The following NEB variants were observed in gnomAD, a reference collection of about 807,000 sequenced individuals.
NEB encodes the protein nemaline myopathy type 2.
NEB carries 512 observed loss-of-function variants against 952.2 expected under a neutral mutation model. The ratio of observed to expected loss-of-function variants is 0.54; its 90% CI spans 0.50 to 0.58. The LOEUF is 0.58. Among genes scored for constraint, NEB ranks in the 20% least tolerant of loss-of-function variants. NEB has a pLI of 0.00. For synonymous variants in NEB, 2,900 were observed against 3,149.8 expected (o/e 0.92, Z 2.66); for missense variants, 8,428 against 9,231.1 (o/e 0.91, Z 3.56).
chr2:151,710,370 G>C (rs1184392147), intron 11 of NEB, 64 bp downstream of exon 11: 1 of 1,128,306 alleles, frequency 8.9e-7, no homozygotes, highest in African/African-American at 1.5e-5. Flanking sequence ...CAAGTAGCTA[G>C]AAGTCACTAA....
chr2:151,518,703 C>T (rs1434556496), intron 155 of NEB, among the ~76,000 whole-genome samples: 2 of 152,112 alleles, frequency 1.3e-5, no homozygotes, highest in South Asian at 2.1e-4. Flanking sequence ...TTTCTATGTC[C>T]TTAGAGAAAA....
chr2:151,684,812 T>C lies in NEB; in HGVS notation c.2801A>G (p.Asp934Gly). 1 of 1,612,760 alleles carries C rather than the reference T, an allele frequency of 6.2e-7. No individual in the cohort carries two copies. The highest frequency in any genetic ancestry group is 8.5e-7 in the Non-Finnish European group (1 of 1,179,274). ...YSYPPDSINV[D>G]LAKKAYALQS... ...CAGCGCATATGCCTTCTTGGCAAGG[T>C]CCACATTGATGCTATCAGGGGGGTA... Residue 934 changes from aspartate (D) to glycine (G), a missense_variant, in exon 28 of 182, where the codon GAC becomes GGC. By Grantham distance (94) the Asp-to-Gly change is moderately conservative. Around this residue, in one of 11 missense-constraint regions of NEB, gnomAD observed 2,851 missense variants for 2,791.5 expected, o/e 1.02. Coordinates refer to ENST00000397345, the MANE Select transcript of NEB (RefSeq NM_001164508.2).
At chr2:151,537,721 T>C (rs1328561841) in intron 140 of NEB, 151 bp downstream of exon 140, 1 of 495,638 alleles carries the variant, frequency 2.0e-6, no homozygotes, top group Admixed American at 3.8e-5. Context: ...TGAAATTCAC[T>C]CACTTAGCAA....
intron 4 of NEB, among the ~76,000 whole-genome samples, chr2:151,728,344 A>C (rs2099797050): frequency 6.6e-6 from 1 of 152,194 alleles, no homozygotes; most frequent in African/African-American, 2.4e-5. Flanking sequence ...TTTAATATTA[A>C]CTTGTAAATG....
chr2:151,618,371 A>G lies in NEB; in HGVS notation c.10980T>C (p.Thr3660=). The G allele has an allele frequency of 6.2e-7, 1 of 1,613,990 alleles. No individual in the cohort carries two copies. Among genetic ancestry groups the G allele is most frequent in the East Asian group, 2.2e-5 (1 of 44,878 alleles). ...GCGTTTCTGGACGCTGACGGTAGAT[A>G]GTATCACTAAGTAATTCTCCAGCTC... ...AKRAGELLSD[T]IYRQRPETLK... The change falls in exon 74 of 182, where the codon ACT becomes ACC. Residue 3660 remains threonine (T), a synonymous_variant. Coordinates refer to ENST00000397345, the MANE Select transcript of NEB (RefSeq NM_001164508.2).
intron 173 of NEB, among the ~76,000 whole-genome samples, chr2:151,494,657 T>C (rs1232406671): frequency 1.3e-5 from 2 of 152,176 alleles, no homozygotes; most frequent in Non-Finnish European, 2.9e-5. Flanking sequence ...TGTTTTGTTT[T>C]GTTTTTGAGA....
At chr2:151,672,121 T>C (rs893314491) in intron 37 of NEB, among the ~76,000 whole-genome samples, 3 of 152,200 alleles carry the variant, frequency 2.0e-5, no homozygotes, top group African/African-American at 4.8e-5. Context: ...GTGGCTCTCA[T>C]AGTTAGTGGA....
At position 151,578,043 on chromosome 2, in the gene NEB, G is replaced by C. The variant is rs1222750602; in HGVS notation, c.16704+1295C>G. On this transcript the variant is annotated intron_variant, in intron 105 of 181. Transcript: ENST00000397345. The stretch of plus-strand genomic sequence containing the variant: ...AGAAACTGTCTTAAATATACCACTT[G>C]GCAATGCATTTTAAGTGATGAGCAT... Among the ~76,000 whole-genome samples, 4 of 152,122 alleles carry C rather than the reference G, an allele frequency of 2.6e-5. No individual in the cohort carries two copies. The East Asian group carries it at 5.8e-4, about 22-fold the overall frequency.
At chr2:151,623,702 G>C (rs902037315) in intron 71 of NEB, among the ~76,000 whole-genome samples, 2 of 152,094 alleles carry the variant, frequency 1.3e-5, no homozygotes, top group African/African-American at 4.8e-5. Context: ...ATATCTTTGA[G>C]ATAAATTCCA....
chr2:151,670,651 C>T (rs2099274882), intron 38 of NEB, among the ~76,000 whole-genome samples: 1 of 152,174 alleles, frequency 6.6e-6, no homozygotes, highest in Non-Finnish European at 1.5e-5. Context: ...TGCCTCTTCC[C>T]TATGTGGCTA....
At chr2:151,710,560 TAAGAC>T in intron 10 of NEB, 22 bp from the exon 11 acceptor site, 1 of 1,452,182 alleles carries the variant, frequency 6.9e-7, no homozygotes, top group Non-Finnish European at 9.6e-7. Context: ...AAAAAGAAAA[TAAGAC>T]AAGCATAACT....
intron 6 of NEB, among the ~76,000 whole-genome samples, 152 bp downstream of exon 6, chr2:151,725,301 A>T (rs894209550): frequency 3.9e-5 from 6 of 152,230 alleles, no homozygotes; most frequent in Non-Finnish European, 8.8e-5. Context: ...ATTTACAGCA[A>T]CATGATCTAT....
chr2:151,544,337 A>G (rs1428381558), intron 135 of NEB, among the ~76,000 whole-genome samples: 1 of 152,186 alleles, frequency 6.6e-6, no homozygotes, highest in African/African-American at 2.4e-5. Context: ...GTTTTAAATT[A>G]TTACTTGGTA....
Position 151,674,510 on chromosome 2 carries a change from A to T in NEB, c.3954T>A (p.Thr1318=). ...CAATGTTTCTCGATGCCTTGGCTGC[A>T]GTGATGGGAATAGCATCGCCCAGCA... ...NNVLGDAIPI[T]AAKASRNIAS... Residue 1318 remains threonine (T), a synonymous_variant, in exon 36 of 182, where the codon ACT becomes ACA. Transcript: ENST00000397345. 1 of 1,614,040 alleles carries T rather than the reference A, an allele frequency of 6.2e-7. No individual in the cohort carries two copies. Among genetic ancestry groups the T allele is most frequent in the Non-Finnish European group, 8.5e-7 (1 of 1,179,874 alleles).
chr2:151,627,673 G>C lies in NEB; in HGVS notation c.9993C>G (p.Ser3331Arg), dbSNP rs2098551499. 6.2e-7 allele frequency: 1 copy of C among 1,613,922 alleles called. No homozygotes were observed. The highest frequency in any genetic ancestry group is 8.5e-7 in the Non-Finnish European group (1 of 1,179,862). The change falls in exon 69 of 182, where the codon AGC becomes AGG. Residue 3331 changes from serine (S) to arginine (R), a missense_variant. Ser to Arg is a moderately radical substitution (Grantham distance 110). Coordinates refer to ENST00000397345, the MANE Select transcript of NEB (RefSeq NM_001164508.2). ...ACACCACTCCCAGCATGTCCACTGGGCTGCTGAACTTGGTCTTCCACTTCT... is the reference window on the plus strand; with the variant it reads ...ACACCACTCCCAGCATGTCCACTGGCCTGCTGAACTTGGTCTTCCACTTCT... ...DFEKWKTKFS[S>R]PVDMLGVVLA... is the part of the protein sequence containing the mutation.
In NEB at chr2:151,627,613, C is replaced by T. The variant is rs573971577; in HGVS notation, c.10053G>A (p.Val3351=). 5.0e-6 allele frequency: 8 copies of T among 1,613,860 alleles called. No individual in the cohort carries two copies. The highest frequency in any genetic ancestry group is 2.2e-5 in the East Asian group (1 of 44,892). Residue 3351 remains valine (V), a synonymous_variant, in exon 69 of 182, where the codon GTG becomes GTA. Transcript: ENST00000397345. ...ACTCGTGCAGGTAGTTCTTGTAGTCCACATCGCTGACTAAGGTCTGGCACT... is the reference window on the plus strand; with the variant it reads ...ACTCGTGCAGGTAGTTCTTGTAGTCTACATCGCTGACTAAGGTCTGGCACT... ...AKKCQTLVSD[V]DYKNYLHEWT...
chr2:151,535,822 G>T, intron 141 of NEB, 27 bp from the exon 142 acceptor site: 1 of 1,242,070 alleles, frequency 8.1e-7, no homozygotes, highest in South Asian at 1.3e-5. Flanking sequence ...ATGGTTACTT[G>T]ACAGCAGGCT....
intron 45 of NEB, among the ~76,000 whole-genome samples, chr2:151,662,735 A>T (rs1210702112): frequency 6.6e-6 from 1 of 152,168 alleles, no homozygotes; most frequent in Non-Finnish European, 1.5e-5. Context: ...TTAACAGATG[A>T]CTATGGAAAC....
chr2:151,684,705 C>T, intron 28 of NEB, 73 bp downstream of exon 28: 2 of 1,370,124 alleles, frequency 1.5e-6, no homozygotes, highest in Non-Finnish European at 9.8e-7. Flanking sequence ...GTGCAAAAAC[C>T]TCACTCAACT....
Sources: allele counts gnomAD v4.1 joint callset (sites outside exome capture counted in the v4.1 genomes callset), GRCh38; gene constraint gnomAD v4.1.1; regional missense constraint gnomAD v4.1.1; transcripts MANE v1.5; gene names NCBI Gene and HGNC (gene_info 2026-07-23, HGNC 2026-07-21).